Variants in SMURF2 observed in about 807,000 individuals in gnomAD.
SMURF2 encodes the protein SMAD specific E3 ubiquitin protein ligase 2, also known as E3 ubiquitin-protein ligase SMURF2.
A neutral mutation model predicts 109.6 loss-of-function variants in SMURF2; 48 were observed. The ratio of observed to expected loss-of-function variants is 0.44; its 90% confidence interval spans 0.35 to 0.56. The LOEUF (loss-of-function observed/expected upper bound fraction) is 0.56. SMURF2 is among the 20% of genes least tolerant of loss of function. The pLI is 0.01. For missense variants in SMURF2, 575 were observed against 909.0 expected (o/e 0.63, Z 4.72); for synonymous variants, 288 against 317.1 (o/e 0.91, Z 0.97).
At chr17:64,632,150 G>C (rs1408530327) in intron 1 of SMURF2, among the ~76,000 whole-genome samples, 2 of 151,950 alleles carry the variant, frequency 1.3e-5, no homozygotes, top group Non-Finnish European at 2.9e-5. Flanking sequence ...GTAGAGACGG[G>C]GTTTCACTAT....
Position 64,569,813 on chromosome 17 carries a change from C to T in SMURF2, c.1016+1985G>A, listed in dbSNP as rs148228973. Among the ~76,000 whole-genome samples the T allele has an allele frequency of 3.1e-3, 471 of 152,298 alleles. 1 individual carries two copies. The highest frequency in any genetic ancestry group is 0.011 in the African/African-American group (449 of 41,568). The stretch of plus-strand genomic sequence containing the variant: ...TAAAGTTGAAGATAGAAATATTCTA[C>T]GACATAGCAATTCCACAACCAGGCA... On this transcript the variant is annotated intron_variant, in intron 10 of 18. Transcript: ENST00000262435.
At chr17:64,626,452 A>C (rs1052289658) in intron 1 of SMURF2, among the ~76,000 whole-genome samples, 8 of 152,038 alleles carry the variant, frequency 5.3e-5, no homozygotes, top group Non-Finnish European at 1.2e-4. Flanking sequence ...AACATAGAGC[A>C]GGAAGATTCT....
intron 1 of SMURF2, among the ~76,000 whole-genome samples, chr17:64,617,350 AC>A (rs1970140684): frequency 6.6e-6 from 1 of 152,206 alleles, no homozygotes; most frequent in Non-Finnish European, 1.5e-5. Flanking sequence ...TATATTCAGT[AC>A]CTGGCAAGTA....
rs547990282 is a variant in SMURF2 at position 64,639,922 on chromosome 17, G to A, written c.52+21907C>T. ...GAGCAGCATTAGGTAAAAACTAATC[G>A]GAATAAATATGGATTTTAGTTAATA... On this transcript the variant is annotated intron_variant, in intron 1 of 18. Coordinates refer to ENST00000262435, the MANE Select transcript of SMURF2 (RefSeq NM_022739.4). 7.2e-5 allele frequency among the ~76,000 whole-genome samples: 11 copies of A among 152,180 alleles called. No individual in the cohort carries two copies. In the South Asian group the frequency reaches 8.3e-4, roughly 11 times the overall value.
chr17:64,655,031 T>C (rs1970687586), intron 1 of SMURF2, among the ~76,000 whole-genome samples: 1 of 151,816 alleles, frequency 6.6e-6, no homozygotes, highest in African/African-American at 2.4e-5. Context: ...ATACAAGCAA[T>C]AACTAGGATT....
At chr17:64,644,194 G>A (rs544651266) in intron 1 of SMURF2, among the ~76,000 whole-genome samples, 62 of 151,994 alleles carry the variant, frequency 4.1e-4, no homozygotes, top group African/African-American at 1.3e-3. Flanking sequence ...TTGTAGAGAC[G>A]GAGTTTCACC....
intron 8 of SMURF2, among the ~76,000 whole-genome samples, chr17:64,580,408 TA>T (rs1969562420): frequency 6.6e-6 from 1 of 152,184 alleles, no homozygotes; most frequent in Non-Finnish European, 1.5e-5. Flanking sequence ...TATATATGTC[TA>T]AAAAATTATG....
intron 13 of SMURF2, among the ~76,000 whole-genome samples, chr17:64,556,656 T>A (rs939997407): frequency 6.6e-6 from 1 of 152,194 alleles, no homozygotes; most frequent in Non-Finnish European, 1.5e-5. Flanking sequence ...ACAGGGGCAG[T>A]AGTGGGCCCT....
chr17:64,551,848 G>C (rs1486033920), intron 15 of SMURF2, 144 bp from the exon 16 acceptor site: 1 of 1,002,514 alleles, frequency 1.0e-6, no homozygotes, highest in Non-Finnish European at 1.4e-6. Flanking sequence ...ATAAATCTCA[G>C]ACTAATGGGG....
At chr17:64,618,046 A>G (rs1970149533) in intron 1 of SMURF2, among the ~76,000 whole-genome samples, 1 of 152,070 alleles carries the variant, frequency 6.6e-6, no homozygotes, top group African/African-American at 2.4e-5. Context: ...CACAATTATA[A>G]TTTTTTTTAC....
chr17:64,615,044 A>G (rs1555689986), intron 1 of SMURF2, among the ~76,000 whole-genome samples: 2 of 152,216 alleles, frequency 1.3e-5, no homozygotes. Flanking sequence ...GGAGTTATCT[A>G]TATGCAACAA....
intron 1 of SMURF2, among the ~76,000 whole-genome samples, chr17:64,660,413 A>C (rs1157132350): frequency 6.6e-6 from 1 of 152,226 alleles, no homozygotes; most frequent in East Asian, 1.9e-4. Context: ...GGTGGAATAC[A>C]AGTATCCTCC....
rs564125832 is a variant in SMURF2, at chr17:64,547,237, G to C, written c.2071+363C>G. Among the ~76,000 whole-genome samples the C allele has an allele frequency of 5.3e-3, 800 of 152,314 alleles. 4 individuals carry two copies. The highest frequency in any genetic ancestry group is 0.018 in the African/African-American group (756 of 41,558). On this transcript the variant is annotated intron_variant, in intron 17 of 18. Transcript: ENST00000262435. The surrounding 1 kb of genome is among the most constrained non-coding windows in gnomAD (Gnocchi z 4.2). ...AAGAGAAAGAACGAAAAGTAGAGGG[G>C]AGAGGCATCCCAGGCAGGTAAACGT...
chr17:64,616,832 G>A (rs782631970), intron 1 of SMURF2, among the ~76,000 whole-genome samples: 1 of 151,692 alleles, frequency 6.6e-6, no homozygotes, highest in Non-Finnish European at 1.5e-5. Flanking sequence ...AGTTTGAGAC[G>A]TCTAGGCGGG....
intron 9 of SMURF2, 120 bp downstream of exon 9, chr17:64,578,372 C>A: frequency 3.0e-6 from 2 of 663,698 alleles, no homozygotes; most frequent in South Asian, 2.0e-5. Flanking sequence ...AAGTAACTAT[C>A]AGAAGAGTCA....
chr17:64,609,933 A>G (rs1255044286), intron 1 of SMURF2, among the ~76,000 whole-genome samples: 21 of 152,152 alleles, frequency 1.4e-4, no homozygotes, highest in Non-Finnish European at 2.9e-4. Context: ...ACCCCATCAA[A>G]AAGTGGGCAA....
intron 6 of SMURF2, among the ~76,000 whole-genome samples, chr17:64,584,208 C>A (rs1415120360): frequency 6.7e-6 from 1 of 150,346 alleles, no homozygotes; most frequent in Non-Finnish European, 1.5e-5. Context: ...ATCCCAGCTA[C>A]TCGGGAGGTT....
intron 9 of SMURF2, among the ~76,000 whole-genome samples, chr17:64,577,424 G>A (rs2144631919): frequency 6.6e-6 from 1 of 151,960 alleles, no homozygotes; most frequent in South Asian, 2.1e-4. Flanking sequence ...GGAAGGGGGA[G>A]GGATAGCATT....
intron 3 of SMURF2, among the ~76,000 whole-genome samples, chr17:64,596,010 T>C (rs1354529623): frequency 2.0e-5 from 3 of 151,738 alleles, no homozygotes; most frequent in East Asian, 1.9e-4. Flanking sequence ...CTAGTCCAAA[T>C]TGAGGCAAGC....
Sources: gnomAD v4.1 joint callset for allele counts (sites outside exome capture counted in the v4.1 genomes callset) on GRCh38, gnomAD v4.1.1 for gene constraint, Gnocchi (gnomAD v3.1) non-coding constraint, MANE v1.5 for transcripts, NCBI Gene and HGNC (gene_info 2026-07-23, HGNC 2026-07-21) for gene names.